Variants in SBF2 observed in about 807,000 individuals in gnomAD.
SBF2 encodes myotubularin-related protein 13.
In SBF2, 112 loss-of-function variants were observed where a neutral mutation model predicts 225.2. That is an observed-to-expected ratio of 0.50 (90% CI 0.43 to 0.58). SBF2 has a LOEUF of 0.58. Ranked by LOEUF, SBF2 falls within the 20% of genes least tolerant of loss-of-function variation. The probability of loss-of-function intolerance (pLI) is 0.00; values close to 1 mark genes in which losing one functional copy is unlikely to be tolerated. For synonymous variants in SBF2, 763 were observed against 773.3 expected (o/e 0.99, Z 0.22); for missense variants, 1,996 against 2,206.2 (o/e 0.90, Z 1.91).
chr11:9,975,946 T>C (rs995850569), intron 13 of SBF2, among the ~76,000 whole-genome samples: 3 of 152,168 alleles, frequency 2.0e-5, no homozygotes, highest in Non-Finnish European at 4.4e-5. Flanking sequence ...TTTATTTGAT[T>C]TGGACTAGTT....
At chr11:10,239,055 C>A (rs1384209915) in intron 1 of SBF2, among the ~76,000 whole-genome samples, 1 of 150,684 alleles carries the variant, frequency 6.6e-6, no homozygotes, top group African/African-American at 2.4e-5. Context: ...TATATACACA[C>A]ATATATGTTT....
At chr11:9,885,946 C>A (rs1455718861) in intron 17 of SBF2, among the ~76,000 whole-genome samples, 2 of 152,066 alleles carry the variant, frequency 1.3e-5, no homozygotes, top group Non-Finnish European at 2.9e-5. Context: ...CCCTTCAGTA[C>A]GATCTTGGCC....
intron 37 of SBF2, 55 bp downstream of exon 37, chr11:9,785,070 G>T: frequency 6.7e-7 from 1 of 1,486,216 alleles, no homozygotes; most frequent in Non-Finnish European, 9.4e-7. Context: ...CTGTGGTTTA[G>T]CCTCAGGTGC....
intron 26 of SBF2, among the ~76,000 whole-genome samples, chr11:9,837,072 CTTTTA>C (rs754545347): frequency 1.3e-5 from 2 of 151,984 alleles, no homozygotes; most frequent in African/African-American, 2.4e-5. Flanking sequence ...ATTTTTATAC[CTTTTA>C]TTACTTTTCT....
chr11:10,139,415 T>C lies in SBF2; in HGVS notation c.141+54487A>G, dbSNP rs531767455. Among the ~76,000 whole-genome samples, 18 of 152,290 alleles carry C rather than the reference T, an allele frequency of 1.2e-4. 1 individual carries two copies. The highest frequency in any genetic ancestry group is 2.6e-4 in the Non-Finnish European group (18 of 68,012). ...CTGTGATGTCAAAGACTGTAGTCACTAGATATATGAGGCTATTGAACACTT... is the reference window on the plus strand; with the variant it reads ...CTGTGATGTCAAAGACTGTAGTCACCAGATATATGAGGCTATTGAACACTT... On this transcript the variant is annotated intron_variant, in intron 2 of 39. Coordinates refer to ENST00000256190, the MANE Select transcript of SBF2 (RefSeq NM_030962.4).
intron 32 of SBF2, among the ~76,000 whole-genome samples, chr11:9,801,759 G>C (rs1853503598): frequency 6.6e-6 from 1 of 152,176 alleles, no homozygotes; most frequent in Non-Finnish European, 1.5e-5. Context: ...CAGTTGAATA[G>C]GCAGCAGACA....
At chr11:9,947,283 G>A (rs1418562257) in intron 16 of SBF2, among the ~76,000 whole-genome samples, 1 of 152,132 alleles carries the variant, frequency 6.6e-6, no homozygotes, top group East Asian at 1.9e-4. Flanking sequence ...ATGAGCTCAG[G>A]CTTTAGATTC....
intron 13 of SBF2, 29 bp from the exon 14 acceptor site, chr11:9,968,574 T>C: frequency 6.4e-7 from 1 of 1,569,854 alleles, no homozygotes; most frequent in African/African-American, 1.3e-5. Context: ...GTAAAATTAC[T>C]CCAAGTTAAA....
At chr11:10,235,129 A>T (rs1302905018) in intron 1 of SBF2, among the ~76,000 whole-genome samples, 1 of 152,216 alleles carries the variant, frequency 6.6e-6, no homozygotes, top group Non-Finnish European at 1.5e-5. Context: ...TTCATAGCTC[A>T]TTGCCAACAT....
At chr11:10,017,684 G>A (rs1948704919) in intron 6 of SBF2, among the ~76,000 whole-genome samples, 2 of 152,122 alleles carry the variant, frequency 1.3e-5, no homozygotes, top group Admixed American at 6.5e-5. Flanking sequence ...GAAAGGAGGT[G>A]TAGTTTAGTC....
chr11:9,986,413 A>G (rs1246677555), intron 13 of SBF2, among the ~76,000 whole-genome samples: 1 of 152,196 alleles, frequency 6.6e-6, no homozygotes, highest in African/African-American at 2.4e-5. Context: ...ACCCAGCAGA[A>G]GAAAGGAAAT....
intron 2 of SBF2, among the ~76,000 whole-genome samples, chr11:10,096,323 A>G (rs957554484): frequency 1.3e-5 from 2 of 151,740 alleles, no homozygotes; most frequent in Admixed American, 1.3e-4. Flanking sequence ...TTTTGCTTTG[A>G]TTGATATATA....
chr11:10,237,096 C>G (rs1299152835), intron 1 of SBF2, among the ~76,000 whole-genome samples: 1 of 152,130 alleles, frequency 6.6e-6, no homozygotes, highest in East Asian at 1.9e-4. Flanking sequence ...AAAACTGGAG[C>G]CACATTTTGG....
intron 16 of SBF2, among the ~76,000 whole-genome samples, chr11:9,942,891 AAG>A (rs754405397): frequency 6.1e-5 from 4 of 65,508 alleles, no homozygotes; most frequent in Admixed American, 3.4e-4. Context: ...AAAGAAAAGA[AAG>A]AGAGAGAGAG....
At chr11:9,822,793 T>C (rs1272542167) in intron 28 of SBF2, among the ~76,000 whole-genome samples, 1 of 152,194 alleles carries the variant, frequency 6.6e-6, no homozygotes, top group Non-Finnish European at 1.5e-5. Flanking sequence ...GGGGCCTTAT[T>C]GATCACTGTG....
intron 16 of SBF2, among the ~76,000 whole-genome samples, chr11:9,936,238 C>T (rs1864888394): frequency 6.6e-6 from 1 of 152,188 alleles, no homozygotes; most frequent in South Asian, 2.1e-4. Flanking sequence ...AAACGCAAAT[C>T]AAAACCACAA....
chr11:10,010,783 T>C (rs939674156), intron 6 of SBF2, among the ~76,000 whole-genome samples: 2 of 152,228 alleles, frequency 1.3e-5, no homozygotes, highest in Non-Finnish European at 2.9e-5. Context: ...AAAAAGTCAA[T>C]GGTAGCTTGA....
chr11:10,217,903 C>CT (rs537724631), intron 1 of SBF2, among the ~76,000 whole-genome samples: 6 of 152,042 alleles, frequency 3.9e-5, no homozygotes, highest in African/African-American at 4.8e-5. Flanking sequence ...AAAGTCACAT[C>CT]TTTTTTTCTT....
At chr11:9,852,863 T>C in intron 20 of SBF2, 114 bp from the exon 21 acceptor site, 2 of 811,160 alleles carry the variant, frequency 2.5e-6, no homozygotes, top group Non-Finnish European at 4.3e-6. Context: ...CTCAAAAAAG[T>C]TAAAGAGAAT....
Sources: allele counts gnomAD v4.1 joint callset (sites outside exome capture counted in the v4.1 genomes callset), GRCh38; gene constraint gnomAD v4.1.1; transcripts MANE v1.5; gene names NCBI Gene and HGNC (gene_info 2026-07-23, HGNC 2026-07-21).